Variants in FN1 observed in about 807,000 individuals in gnomAD.
The protein encoded by FN1 is fibronectin.
Under a neutral mutation model 297.3 loss-of-function variants are expected in FN1, and 106 were observed. The observed-to-expected ratio is 0.36, with a 90% confidence interval of 0.30 to 0.42. The LOEUF (loss-of-function observed/expected upper bound fraction) is 0.42, where lower values mean the gene tolerates loss of function less well. Ranked by LOEUF, FN1 falls within the 10% of genes least tolerant of loss-of-function variation. The pLI is 1.00. For missense variants in FN1, 2,690 were observed against 3,124.9 expected (o/e 0.86, Z 3.32); for synonymous variants, 1,149 against 1,152.6 (o/e 1.00, Z 0.06).
At chr2:215,410,410 A>T (rs1374585266) in intron 13 of FN1, among the ~76,000 whole-genome samples, 1 of 152,140 alleles carries the variant, frequency 6.6e-6, no homozygotes, top group East Asian at 1.9e-4. Flanking sequence ...TTCTGATGAT[A>T]AGGCAATGGC....
At position 215,397,170 on chromosome 2, in the gene FN1, G is replaced by A. The variant is rs2060394720; in HGVS notation, c.3571C>T (p.Leu1191Phe). The A allele has an allele frequency of 6.2e-7, 1 of 1,613,762 alleles. No homozygotes were observed. The highest frequency in any genetic ancestry group is 1.3e-5 in the African/African-American group (1 of 74,910). ...HLEANPDTGV[L>F]TVSWERSTTP... ...GTGCTCCTCTCCCAGGAGACTGTGA[G>A]CACTCCAGTGTCAGGGTTTGCCTCC... The change falls in exon 23 of 46, where the codon CTC becomes TTC. Residue 1191 changes from leucine (L) to phenylalanine (F), a missense_variant. Physicochemically the swap from Leu to Phe is conservative, Grantham distance 22. Transcript: ENST00000354785.
In FN1 at chr2:215,406,657, A is replaced by G. The variant is rs1041234920; in HGVS notation, c.2714-147T>C. 49 of 818,634 alleles carry G rather than the reference A, an allele frequency of 6.0e-5. 1 individual carries two copies. The highest frequency in any genetic ancestry group is 1.4e-4 in the South Asian group (9 of 66,450). The allele number at this position is 818,634 out of a possible 1,614,324, so 50.7% of individuals were successfully genotyped here. A position where few individuals can be genotyped will look rare whatever the true frequency, so the allele number is the denominator to read the frequency against. On this transcript the variant is annotated intron_variant, in intron 18 of 45. Coordinates refer to ENST00000354785, the MANE Select transcript of FN1 (RefSeq NM_212482.4). ...TGTCTCTTAATCAGATCACATTTTC[A>G]TGGTCCAGTCATAGTGCTTAAATTA...
rs755838134 is a variant in FN1, at chr2:215,423,356, T to C, written c.1387A>G (p.Met463Val). The C allele has an allele frequency of 1.1e-5, 17 of 1,613,852 alleles. No homozygotes were observed. The highest frequency in any genetic ancestry group is 1.7e-5 in the Admixed American group (1 of 60,000). Reference sequence around the variant, plus strand: ...CACAAGGGCTTCATCTTACCAGCCATGGGGCAGAACCCAAACTTCTGGTCG... The same window carrying C: ...CACAAGGGCTTCATCTTACCAGCCACGGGGCAGAACCCAAACTTCTGGTCG... ...DADQKFGFCPMAAHEEICTTN... is the reference protein window; with the variant it reads ...DADQKFGFCPVAAHEEICTTN... Residue 463 changes from methionine to valine, a missense_variant, in exon 9 of 46, where the codon ATG (methionine) becomes GTG (valine). Transcript: ENST00000354785.
In FN1 at chr2:215,369,161, A is replaced by G. The variant is rs538154451; in HGVS notation, c.6853+1133T>C. ...TTGTTACTAGGGGTTTCTATACTCA[A>G]AAGAGCCAGGAGTTCAAATTCCATC... On this transcript the variant is annotated intron_variant, in intron 41 of 45. Transcript: ENST00000354785. Among the ~76,000 whole-genome samples the G allele has an allele frequency of 6.6e-5, 10 of 152,058 alleles. No homozygotes were observed. In the East Asian group the frequency reaches 1.7e-3, roughly 26 times the overall value.
At chr2:215,394,763 G>C in intron 23 of FN1, 44 bp from the exon 24 acceptor site, 1 of 1,485,974 alleles carries the variant, frequency 6.7e-7, no homozygotes, top group South Asian at 1.1e-5. Flanking sequence ...GAGGATCTGT[G>C]AGCCAGAGCA....
chr2:215,410,581 C>T (rs1278225117), intron 13 of FN1, among the ~76,000 whole-genome samples: 2 of 150,984 alleles, frequency 1.3e-5, no homozygotes, highest in Admixed American at 6.6e-5. Context: ...AATCTCAGCT[C>T]ACTGCAAACT....
chr2:215,379,370 G>A, intron 33 of FN1, 53 bp from the exon 34 acceptor site: 1 of 1,532,014 alleles, frequency 6.5e-7, no homozygotes, highest in Non-Finnish European at 9.0e-7. Flanking sequence ...GGGGGAAAAG[G>A]AAAATAAAGT....
At chr2:215,432,654 A>T (rs1480307690) in intron 3 of FN1, among the ~76,000 whole-genome samples, 2 of 152,200 alleles carry the variant, frequency 1.3e-5, no homozygotes, top group South Asian at 2.1e-4. Context: ...ATGGATTAAA[A>T]AACTTAAATA....
intron 10 of FN1, chr2:215,421,120 T>G: frequency 2.9e-6 from 1 of 345,114 alleles, no homozygotes; most frequent in Non-Finnish European, 5.6e-6. Flanking sequence ...TTTCTGAAAA[T>G]TTCTTGCTTA....
At chr2:215,378,652 C>T (rs1370562706) in intron 34 of FN1, among the ~76,000 whole-genome samples, 1 of 152,110 alleles carries the variant, frequency 6.6e-6, no homozygotes, top group Non-Finnish European at 1.5e-5. Flanking sequence ...TGTAGTTTCC[C>T]CTGAAATTGG....
At chr2:215,368,611 T>C (rs911120770) in intron 41 of FN1, among the ~76,000 whole-genome samples, 47 of 152,262 alleles carry the variant, frequency 3.1e-4, no homozygotes, top group African/African-American at 1.1e-3. Context: ...TCTTAGCATT[T>C]TAATATACCA....
At chr2:215,370,506 A>G (rs1327585295) in intron 40 of FN1, 74 bp from the exon 41 acceptor site, 24 of 1,249,318 alleles carry the variant, frequency 1.9e-5, no homozygotes, top group East Asian at 4.7e-5. Flanking sequence ...CCTCTTACCA[A>G]TAACCCTCAC....
intron 36 of FN1, 49 bp downstream of exon 36, chr2:215,376,449 A>G: frequency 6.5e-7 from 1 of 1,528,734 alleles, no homozygotes; most frequent in Non-Finnish European, 9.1e-7. Flanking sequence ...GCCCGTTTAC[A>G]TTGTGGGTAT....
chr2:215,372,193 C>T lies in FN1; in HGVS notation c.6430G>A (p.Glu2144Lys), dbSNP rs1372655692. The change falls in exon 40 of 46, where the codon GAG becomes AAG. Residue 2144 changes from glutamate to lysine, a missense_variant. Physicochemically the swap from Glu to Lys is moderately conservative, Grantham distance 56 (BLOSUM62 1). Coordinates refer to ENST00000354785, the MANE Select transcript of FN1 (RefSeq NM_212482.4). Reference sequence around the variant, plus strand: ...GTGGTCCGCCTAAAACCATGTTCCTCAAAGATCATTTGTTGCCCAACACTG... The same window carrying T: ...GTGGTCCGCCTAAAACCATGTTCCTTAAAGATCATTTGTTGCCCAACACTG... ...QPSVGQQMIF[E>K]EHGFRRTTPP... The T allele has an allele frequency of 6.2e-7, 1 of 1,614,226 alleles. No homozygotes were observed. Among genetic ancestry groups the T allele is most frequent in the South Asian group, 1.1e-5 (1 of 91,086 alleles).
At position 215,372,386 on chromosome 2, in the gene FN1, G is replaced by C; in HGVS notation, c.6248-11C>G. On this transcript the variant is annotated splice_polypyrimidine_tract_variant and intron_variant, in intron 39 of 45. Transcript: ENST00000354785. ...GTTGGGGAAGCTCGTCTAGCCGAGA[G>C]AGGTTAGAGCCAAAAAAGCAAAGCG... 1.2e-5 allele frequency: 20 copies of C among 1,610,906 alleles called. No homozygotes were observed. The highest frequency in any genetic ancestry group is 1.7e-5 in the Non-Finnish European group (20 of 1,177,108).
intron 31 of FN1, among the ~76,000 whole-genome samples, 165 bp from the exon 32 acceptor site, chr2:215,382,490 C>T (rs1471449269): frequency 6.6e-6 from 1 of 152,136 alleles, no homozygotes; most frequent in Non-Finnish European, 1.5e-5. Flanking sequence ...TTGGACAAAC[C>T]TGTTCATTGC....
At position 215,375,281 on chromosome 2, in the gene FN1, C is replaced by G; in HGVS notation, c.6090G>C (p.Lys2030Asn). Residue 2030 changes from lysine to asparagine, a missense_variant, in exon 38 of 46, where the codon AAG (lysine) becomes AAC (asparagine). By Grantham distance (94) the Lys-to-Asn change is moderately conservative. Coordinates refer to ENST00000354785, the MANE Select transcript of FN1 (RefSeq NM_212482.4). ...CCACTTCTCTGGGAGGAGACCCAGG[C>G]TTCTCATACTTGATGATGTAGCCGG... The part of the protein sequence containing the change: ...RITGYIIKYE[K>N]PGSPPREVVP... 6.2e-7 allele frequency: 1 copy of G among 1,614,164 alleles called. No homozygotes were observed. Among genetic ancestry groups the G allele is most frequent in the Non-Finnish European group, 8.5e-7 (1 of 1,180,026 alleles).
At position 215,361,657 on chromosome 2, in the gene FN1, A is replaced by C. The variant is rs539682987; in HGVS notation, c.7363-31T>G. On this transcript the variant is annotated intron_variant, in intron 45 of 45. Transcript: ENST00000354785. Reference sequence around the variant, plus strand: ...AAAAAGGAAGAAGGAAAAAAAAATTAGTGGCAAATACTGTAAAGTGTACAG... The same window carrying C: ...AAAAAGGAAGAAGGAAAAAAAAATTCGTGGCAAATACTGTAAAGTGTACAG... 2.0e-6 allele frequency: 3 copies of C among 1,505,548 alleles called. No homozygotes were observed. The East Asian group carries it at 6.8e-5, about 34-fold the overall frequency. 93.3% of individuals were successfully genotyped at this position (1,505,548 alleles called of 1,614,324 possible). A position where few individuals can be genotyped will look rare whatever the true frequency, so the allele number is the denominator to read the frequency against.
chr2:215,419,127 A>G (rs1402195849), intron 12 of FN1, 115 bp downstream of exon 12: 2 of 816,320 alleles, frequency 2.5e-6, no homozygotes, highest in African/African-American at 1.7e-5. Flanking sequence ...ATAACAAGAG[A>G]AAAGGGTGGG....
Sources: gnomAD v4.1 joint callset for allele counts (sites outside exome capture counted in the v4.1 genomes callset) on GRCh38, gnomAD v4.1.1 for gene constraint, MANE v1.5 for transcripts, NCBI Gene and HGNC (gene_info 2026-07-23, HGNC 2026-07-21) for gene names.